HOOK2: variants seen among roughly 807,000 people sequenced by gnomAD.
The protein encoded by HOOK2 is hook microtubule tethering protein 2, also known as protein Hook homolog 2.
A neutral mutation model predicts 111.9 loss-of-function variants in HOOK2; 108 were observed. The observed-to-expected ratio is 0.96, with a 90% CI of 0.83 to 1.13. The LOEUF is 1.13. HOOK2 is among the 50% of genes most tolerant of loss of function. The probability of loss-of-function intolerance (pLI) is 0.00; values close to 1 mark genes in which losing one functional copy is unlikely to be tolerated. For synonymous variants in HOOK2, 405 were observed against 394.3 expected, an observed-to-expected ratio of 1.03 and a Z score of -0.32; for missense variants, 978 against 951.3, an observed-to-expected ratio of 1.03 and a Z score of -0.37.
chr19:12,775,352 C>A, intron 1 of HOOK2, 53 bp downstream of exon 1: 1 of 1,593,266 alleles, frequency 6.3e-7, no homozygotes, highest in Non-Finnish European at 8.5e-7. Flanking sequence ...GCCAGGGATC[C>A]CGGGCAAGAG....
In HOOK2 at chr19:12,763,134, C is replaced by CA; in HGVS notation, c.*147_*148insT. ...AACAGGCCTATATCTACCTCCCGCC[C>CA]TCCCTCCCCACCAATCTGGGAGAGG... On this transcript the variant is annotated 3_prime_UTR_variant, in exon 23 of 23. Coordinates refer to ENST00000397668, the MANE Select transcript of HOOK2 (RefSeq NM_013312.3). 3 of 577,206 alleles carry CA rather than the reference C, an allele frequency of 5.2e-6. No individual in the cohort carries two copies. The highest frequency in any genetic ancestry group is 6.0e-6 in the Non-Finnish European group (2 of 334,694). The allele number at this position is 577,206 out of a possible 1,614,324, so 35.8% of individuals were successfully genotyped here. A position where few individuals can be genotyped will look rare whatever the true frequency, so the allele number is the denominator to read the frequency against.
At chr19:12,772,570 T>C in intron 6 of HOOK2, 43 bp downstream of exon 6, 1 of 1,602,346 alleles carries the variant, frequency 6.2e-7, no homozygotes, top group Non-Finnish European at 8.5e-7. Flanking sequence ...AGATGTCCCC[T>C]CTCCTGACAT....
Position 12,763,245 on chromosome 19 carries a change from G to A in HOOK2, c.*37C>T, listed in dbSNP as rs779762178. 3 of 1,598,920 alleles carry A rather than the reference G, an allele frequency of 1.9e-6. No individual in the cohort carries two copies. The highest frequency in any genetic ancestry group is 2.6e-6 in the Non-Finnish European group (3 of 1,169,908). On this transcript the variant is annotated 3_prime_UTR_variant, in exon 23 of 23. Coordinates refer to ENST00000397668, the MANE Select transcript of HOOK2 (RefSeq NM_013312.3). ...GCCATGTGAGCTGGAGGAAGCCAGG[G>A]TGGGTGGAGCCCAGGCTGGCTTGAT...
At chr19:12,785,834 C>G (rs1158380164) in intron 3 of HOOK2, among the ~76,000 whole-genome samples, 1 of 152,190 alleles carries the variant, frequency 6.6e-6, no homozygotes, top group Non-Finnish European at 1.5e-5. Flanking sequence ...CACTTCCTCT[C>G]TCCAAACATC....
chr19:12,784,742 A>C (rs980812917), intron 3 of HOOK2: 23 of 152,466 alleles, frequency 1.5e-4, no homozygotes, highest in African/African-American at 5.1e-4. Context: ...ATATGCAGAC[A>C]CAGGCATGCA....
At chr19:12,767,308 A>G in intron 14 of HOOK2, 87 bp downstream of exon 14, 1 of 1,135,046 alleles carries the variant, frequency 8.8e-7, no homozygotes, top group Non-Finnish European at 1.3e-6. Context: ...AACCGGGGCT[A>G]GCAGAAGATG....
At chr19:12,769,512 T>C (rs1198594706) in intron 11 of HOOK2, among the ~76,000 whole-genome samples, 6 of 152,124 alleles carry the variant, frequency 3.9e-5, no homozygotes, top group African/African-American at 1.4e-4. Flanking sequence ...AACCTCGAAA[T>C]CCTGGGCTCA....
rs766190076 is a variant in HOOK2, at chr19:12,791,890, C to T, written n.42-17665G>A. ...TACAAACTCCTGAAACCGAGCCTGG[C>T]GGTCAACCTGGCCGACCCCTACCGG... On this transcript the variant is annotated intron_variant and non_coding_transcript_variant, in intron 3 of 3. Transcript: ENST00000589765. The surrounding 1 kb of genome is among the most constrained non-coding windows in gnomAD (Gnocchi z 7.0). 15 of 1,613,272 alleles carry T rather than the reference C, an allele frequency of 9.3e-6. No homozygotes were observed. The highest frequency in any genetic ancestry group is 1.3e-5 in the Non-Finnish European group (15 of 1,179,900).
chr19:12,783,698 C>A (rs1199070921), intron 3 of HOOK2, among the ~76,000 whole-genome samples: 1 of 152,048 alleles, frequency 6.6e-6, no homozygotes, highest in Non-Finnish European at 1.5e-5. Context: ...ATCATTATGT[C>A]CAGCTTGTTG....
chr19:12,765,939 GC>G lies in HOOK2; in HGVS notation c.1586del (p.Gly529AlafsTer11), dbSNP rs768806444. 7 of 1,613,914 alleles carry G rather than the reference GC, an allele frequency of 4.3e-6. No individual in the cohort carries two copies. The Admixed American group carries it at 1.0e-4, about 23-fold the overall frequency. ...GGGTGACACTCACATCTTCAGTCTT[GC>G]CCCCCTGCTCCTGCAGGGCTTTCTG... is the stretch of plus-strand genomic sequence containing the variant. ...DLQKALQEQGGKTEDAISILL... is the reference protein window; with the variant it reads ...DLQKALQEQGXKTEDAISILL... On this transcript the variant is annotated frameshift_variant, in exon 16 of 23. Coordinates refer to ENST00000397668, the MANE Select transcript of HOOK2 (RefSeq NM_013312.3). LOFTEE classifies it high-confidence loss of function.
chr19:12,789,308 GC>G (rs1221496617), intron 3 of HOOK2, among the ~76,000 whole-genome samples: 4 of 152,160 alleles, frequency 2.6e-5, no homozygotes, highest in East Asian at 1.9e-4. Context: ...CTAACTGGAA[GC>G]CTGACCGTCT....
upstream of HOOK2, among the ~76,000 whole-genome samples, chr19:12,782,594 G>A (rs1396547516): frequency 1.3e-5 from 2 of 152,192 alleles, no homozygotes; most frequent in African/African-American, 2.4e-5. Flanking sequence ...GGAACCCGAC[G>A]CGGTCGTGCG....
chr19:12,769,267 AT>A (rs1203994929), intron 11 of HOOK2, among the ~76,000 whole-genome samples: 1 of 150,786 alleles, frequency 6.6e-6, no homozygotes, highest in Non-Finnish European at 1.5e-5. Flanking sequence ...GCCCAGACTA[AT>A]TTTTCTATTT....
chr19:12,792,331 G>A (rs1483236669), intron 3 of HOOK2: 4 of 1,530,112 alleles, frequency 2.6e-6, no homozygotes, highest in East Asian at 2.5e-5. Flanking sequence ...AACCTCAGCA[G>A]CTACTCCCCA....
chr19:12,765,609 C>T lies in HOOK2; in HGVS notation c.1640+81G>A, dbSNP rs909997418. On this transcript the variant is annotated intron_variant, in intron 18 of 22. Coordinates refer to ENST00000397668, the MANE Select transcript of HOOK2 (RefSeq NM_013312.3). ...CTAAAAATATAAAAAATCAGCCAGG[C>T]ATGGTGGCACATGCCTAAGAAACTC... The T allele has an allele frequency of 3.3e-6, 5 of 1,535,576 alleles. No individual in the cohort carries two copies. In the Admixed American group the frequency reaches 6.7e-5, roughly 21 times the overall value.
At chr19:12,765,798 G>A (rs1206049561) in intron 17 of HOOK2, 31 bp downstream of exon 17, 2 of 1,613,850 alleles carry the variant, frequency 1.2e-6, no homozygotes, top group East Asian at 2.2e-5. Flanking sequence ...GGTGAGGGTA[G>A]GGGGTGCCAT....
At position 12,791,579 on chromosome 19, in the gene HOOK2, C is replaced by T. The variant is rs1968715256; in HGVS notation, n.42-17354G>A. On this transcript the variant is annotated intron_variant and non_coding_transcript_variant, in intron 3 of 3. Coordinates refer to the HOOK2 transcript ENST00000589765. This position sits in a 1 kb window ranked among gnomAD's most constrained non-coding sequence, Gnocchi z 7.0. ...AGGAAAGCTATCGCGCCAGAGAGGG[C>T]GACGGGGGCTCGGGAAGCCTGACAG... The T allele has an allele frequency of 1.9e-6, 1 of 514,824 alleles. No individual in the cohort carries two copies. Among genetic ancestry groups the T allele is most frequent in the Admixed American group, 3.8e-5 (1 of 26,644 alleles). The allele number at this position is 514,824 out of a possible 1,614,324, so 31.9% of individuals were successfully genotyped here.
chr19:12,773,484 C>T (rs1479702455), intron 3 of HOOK2, among the ~76,000 whole-genome samples: 1 of 151,966 alleles, frequency 6.6e-6, no homozygotes, highest in African/African-American at 2.4e-5. Context: ...TGAGCTCAAG[C>T]AATCCTCCCA....
At position 12,771,249 on chromosome 19, in the gene HOOK2, C is replaced by G. The variant is rs373413195; in HGVS notation, c.671G>C (p.Arg224Pro). 1 of 1,608,462 alleles carries G rather than the reference C, an allele frequency of 6.2e-7. No homozygotes were observed. The highest frequency in any genetic ancestry group is 1.3e-5 in the African/African-American group (1 of 75,018). Residue 224 changes from arginine (R) to proline (P), a missense_variant, in exon 9 of 23, where the codon CGG (arginine) becomes CCG (proline). Around this residue, in one of 5 missense-constraint regions of HOOK2, gnomAD observed 301 missense variants for 286.1 expected, o/e 1.05. Coordinates refer to ENST00000397668, the MANE Select transcript of HOOK2 (RefSeq NM_013312.3). Reference protein sequence around the residue: ...ENAGLRERMGRPEGEGTPGLT... With the variant: ...ENAGLRERMGPPEGEGTPGLT... ...ACCTGGGGTACCCTCGCCTTCAGGC[C>G]GGCCCATCCGCTCCCGCAGCCCTGC... is the stretch of plus-strand genomic sequence containing the variant.
Sources: gnomAD v4.1 joint callset for allele counts (sites outside exome capture counted in the v4.1 genomes callset) on GRCh38, gnomAD v4.1.1 for gene constraint, gnomAD v4.1.1 regional missense constraint, Gnocchi (gnomAD v3.1) non-coding constraint, MANE v1.5 for transcripts, NCBI Gene and HGNC (gene_info 2026-07-23, HGNC 2026-07-21) for gene names.